The following TMEM38A variants were observed in gnomAD, a reference collection of about 807,000 sequenced individuals.
TMEM38A encodes the protein trimeric intracellular cation channel type A.
In TMEM38A, 17 loss-of-function variants were observed where a neutral mutation model predicts 28.6. The observed-to-expected ratio is 0.60, with a 90% CI of 0.41 to 0.89. The LOEUF is 0.89. Ranked by LOEUF, TMEM38A falls within the 40% of genes least tolerant of loss-of-function variation. TMEM38A has a pLI of 0.00. For missense variants in TMEM38A, 328 were observed against 393.1 expected, an observed-to-expected ratio of 0.83 and a Z score of 1.40; for synonymous variants, 169 against 166.1, an observed-to-expected ratio of 1.02 and a Z score of -0.14.
At chr19:16,667,925 T>C (rs1181409505) in intron 1 of TMEM38A, among the ~76,000 whole-genome samples, 1 of 150,982 alleles carries the variant, frequency 6.6e-6, no homozygotes, top group Non-Finnish European at 1.5e-5. Context: ...ATCAGAATTG[T>C]GGGTCAGGCA....
chr19:16,669,316 C>T (rs555288614), intron 1 of TMEM38A, among the ~76,000 whole-genome samples: 2 of 151,558 alleles, frequency 1.3e-5, no homozygotes, highest in East Asian at 1.9e-4. Context: ...AAGCAATTCT[C>T]CTGCCTCAGC....
intron 1 of TMEM38A, among the ~76,000 whole-genome samples, chr19:16,677,802 C>A (rs972260966): frequency 6.6e-6 from 1 of 152,162 alleles, no homozygotes; most frequent in Non-Finnish European, 1.5e-5. Context: ...AAGTGATCTA[C>A]GTGGCTCAGC....
At chr19:16,686,443 C>T (rs769651302) in intron 5 of TMEM38A, 38 bp downstream of exon 5, 1 of 1,530,488 alleles carries the variant, frequency 6.5e-7, no homozygotes, top group Non-Finnish European at 9.0e-7. Flanking sequence ...TTGCCTTGAC[C>T]AATGCCACCC....
intron 1 of TMEM38A, among the ~76,000 whole-genome samples, chr19:16,664,978 T>C (rs1166015517): frequency 6.8e-6 from 1 of 147,130 alleles, no homozygotes; most frequent in East Asian, 2.0e-4. Context: ...CTGGGCAACA[T>C]TGTGAAACCC....
rs2086794730 is a variant in TMEM38A at position 16,684,768 on chromosome 19, GC to G, written c.555-1519del. 2.0e-5 allele frequency among the ~76,000 whole-genome samples: 3 copies of G among 151,322 alleles called. No individual in the cohort carries two copies. In the South Asian group the frequency reaches 6.2e-4, roughly 31 times the overall value. ...AAGATATAGAATAAAATCAGCAGAG[GC>G]AGCTCACACCTGTAATCCCAGCACT... is the stretch of plus-strand genomic sequence containing the variant. On this transcript the variant is annotated intron_variant, in intron 4 of 5. Coordinates refer to ENST00000187762, the MANE Select transcript of TMEM38A (RefSeq NM_024074.4).
chr19:16,671,743 T>C (rs2086728559), intron 1 of TMEM38A, among the ~76,000 whole-genome samples: 2 of 152,220 alleles, frequency 1.3e-5, no homozygotes. Context: ...ATGTGACTTT[T>C]ATAGCAGGGC....
At chr19:16,685,798 AG>A in intron 4 of TMEM38A, among the ~76,000 whole-genome samples, 1 of 152,232 alleles carries the variant, frequency 6.6e-6, no homozygotes, top group Non-Finnish European at 1.5e-5. Flanking sequence ...AGCTGGACAA[AG>A]GCCAGATCTT....
intron 1 of TMEM38A, among the ~76,000 whole-genome samples, chr19:16,673,937 A>G (rs979847475): frequency 6.6e-6 from 1 of 151,842 alleles, no homozygotes; most frequent in Non-Finnish European, 1.5e-5. Context: ...AAAAAGAAAA[A>G]AAAAAAAGTA....
In TMEM38A at chr19:16,669,125, C is replaced by T. The variant is rs539429001; in HGVS notation, c.124+7784C>T. ...GATTACAGGCGTGAGCCACTGCACCCGGCCAAATAGTATTTCATAGTAAGG... is the reference window on the plus strand; with the variant it reads ...GATTACAGGCGTGAGCCACTGCACCTGGCCAAATAGTATTTCATAGTAAGG... On this transcript the variant is annotated intron_variant, in intron 1 of 5. Coordinates refer to ENST00000187762, the MANE Select transcript of TMEM38A (RefSeq NM_024074.4). Among the ~76,000 whole-genome samples, 5 of 151,850 alleles carry T rather than the reference C, an allele frequency of 3.3e-5. No individual in the cohort carries two copies. In the South Asian group the frequency reaches 6.2e-4, roughly 19 times the overall value.
At position 16,689,134 on chromosome 19, in the gene TMEM38A, G is replaced by A. The variant is rs923861279; in HGVS notation, c.*763G>A. On this transcript the variant is annotated 3_prime_UTR_variant, in exon 6 of 6. Transcript: ENST00000187762. Reference sequence around the variant, plus strand: ...CCATTTCAAAGTCTCTTCTTACCACGCTCCTCAGTGGCTAGACATTTTCAC... The same window carrying A: ...CCATTTCAAAGTCTCTTCTTACCACACTCCTCAGTGGCTAGACATTTTCAC... 1.3e-5 allele frequency: 2 copies of A among 152,116 alleles called. No homozygotes were observed. The highest frequency in any genetic ancestry group is 1.9e-4 in the East Asian group (1 of 5,170). 9.4% of individuals were successfully genotyped at this position (152,116 alleles called of 1,614,324 possible).
chr19:16,685,218 C>G (rs1568317262), intron 4 of TMEM38A, among the ~76,000 whole-genome samples: 1 of 151,968 alleles, frequency 6.6e-6, no homozygotes, highest in Admixed American at 6.6e-5. Context: ...GAAACCCCAT[C>G]TCTAGTAAAA....
chr19:16,679,607 C>G (rs1378557198), intron 1 of TMEM38A, among the ~76,000 whole-genome samples: 1 of 152,010 alleles, frequency 6.6e-6, no homozygotes, highest in African/African-American at 2.4e-5. Context: ...GTAGCAATTT[C>G]AAAGTACTCC....
chr19:16,679,110 T>G (rs1358331660), intron 1 of TMEM38A, among the ~76,000 whole-genome samples: 2 of 147,840 alleles, frequency 1.4e-5, no homozygotes, highest in Non-Finnish European at 3.0e-5. Flanking sequence ...GATTGCACCA[T>G]TGCACTCCAG....
intron 1 of TMEM38A, among the ~76,000 whole-genome samples, chr19:16,665,379 C>CAGG (rs918300182): frequency 7.2e-5 from 11 of 151,776 alleles, no homozygotes; most frequent in Non-Finnish European, 1.2e-4. Context: ...GTCCTAGCTA[C>CAGG]TAGGGAAGCT....
chr19:16,683,962 T>G (rs544244220), intron 4 of TMEM38A, among the ~76,000 whole-genome samples: 1 of 126,124 alleles, frequency 7.9e-6, no homozygotes, highest in Non-Finnish European at 1.5e-5. Context: ...AAGAGCGAAA[T>G]TCCATCTCAA....
At chr19:16,670,876 T>C (rs1384947283) in intron 1 of TMEM38A, among the ~76,000 whole-genome samples, 3 of 151,236 alleles carry the variant, frequency 2.0e-5, no homozygotes, top group Non-Finnish European at 2.9e-5. Flanking sequence ...GAGGTGGAGG[T>C]TGCATCAAGC....
intron 1 of TMEM38A, among the ~76,000 whole-genome samples, chr19:16,670,276 GT>G (rs750785005): frequency 1.8e-3 from 202 of 114,570 alleles, no homozygotes; most frequent in Non-Finnish European, 2.3e-3. Context: ...CCTGTTTTTT[GT>G]TTTTTTTTTT....
intron 1 of TMEM38A, among the ~76,000 whole-genome samples, chr19:16,663,552 G>GCTTTTTTTTGAA (rs2086691169): frequency 6.7e-6 from 1 of 149,122 alleles, no homozygotes; most frequent in Non-Finnish European, 1.5e-5. Context: ...TTTTTGAAAC[G>GCTTTTTTTTGAA]GAGTCTCGCT....
chr19:16,687,521 C>CA (rs35030982), intron 5 of TMEM38A, among the ~76,000 whole-genome samples: 17 of 151,746 alleles, frequency 1.1e-4, no homozygotes, highest in Admixed American at 3.3e-4. Context: ...ACCCTGTCTC[C>CA]AAAAAAAGGA....
Sources: allele counts gnomAD v4.1 joint callset (sites outside exome capture counted in the v4.1 genomes callset), GRCh38; gene constraint gnomAD v4.1.1; transcripts MANE v1.5; gene names NCBI Gene and HGNC (gene_info 2026-07-23, HGNC 2026-07-21).